Variants in CLEC16A observed in about 807,000 individuals in gnomAD.
CLEC16A encodes protein CLEC16A.
In CLEC16A, 51 loss-of-function variants were observed where a neutral mutation model predicts 109.5. That is an observed-to-expected ratio of 0.47 (90% CI 0.37 to 0.59). The LOEUF is 0.59. Ranked by LOEUF, CLEC16A falls within the 20% of genes least tolerant of loss-of-function variation. The probability of loss-of-function intolerance (pLI) is 0.00; values close to 1 mark genes in which losing one functional copy is unlikely to be tolerated. For synonymous variants in CLEC16A, 673 were observed against 564.2 expected, an observed-to-expected ratio of 1.19 and a Z score of -2.73; for missense variants, 1,339 against 1,394.0, an observed-to-expected ratio of 0.96 and a Z score of 0.63.
At chr16:11,079,801 C>G (rs1162757935) in intron 19 of CLEC16A, among the ~76,000 whole-genome samples, 5 of 152,218 alleles carry the variant, frequency 3.3e-5, no homozygotes, top group Admixed American at 3.3e-4. Context: ...TTCTTCAGAG[C>G]AGCAAAACTG....
chr16:11,004,081 G>T (rs2044840138), intron 11 of CLEC16A, among the ~76,000 whole-genome samples: 1 of 152,048 alleles, frequency 6.6e-6, no homozygotes, highest in Non-Finnish European at 1.5e-5. Flanking sequence ...TTAGAATGAG[G>T]TGCACTCGTG....
chr16:11,171,107 G>A (rs2068492084), intron 23 of CLEC16A, among the ~76,000 whole-genome samples: 1 of 152,234 alleles, frequency 6.6e-6, no homozygotes, highest in South Asian at 2.1e-4. Flanking sequence ...GACGGGCCGT[G>A]GGCAGGGGGG....
chr16:11,138,857 CA>C (rs2153062672), intron 22 of CLEC16A, among the ~76,000 whole-genome samples: 1 of 152,106 alleles, frequency 6.6e-6, no homozygotes, highest in South Asian at 2.1e-4. Context: ...AGGTGGTGGC[CA>C]ATTTTTTGTC....
intron 22 of CLEC16A, among the ~76,000 whole-genome samples, chr16:11,130,714 TC>T (rs1430749035): frequency 6.6e-6 from 1 of 152,108 alleles, no homozygotes; most frequent in Non-Finnish European, 1.5e-5. Flanking sequence ...ATGGTGCCCC[TC>T]CCCATAGGCC....
Position 11,120,702 on chromosome 16 carries a change from G to A in CLEC16A, c.2204G>A (p.Ser735Asn), listed in dbSNP as rs755925089. The A allele has an allele frequency of 6.2e-7, 1 of 1,609,550 alleles. No individual in the cohort carries two copies. Among genetic ancestry groups the A allele is most frequent in the Non-Finnish European group, 8.5e-7 (1 of 1,177,928 alleles). The change falls in exon 20 of 24, where the codon AGT becomes AAT. Residue 735 changes from serine (S) to asparagine (N), a missense_variant. Physicochemically the swap from Ser to Asn is conservative, Grantham distance 46. Transcript: ENST00000409790. ...RFLAVDIYQM[S>N]LVEPDVSRLG... Reference sequence around the variant, plus strand: ...CTGGCTGTGGATATTTACCAGATGAGTTTGGTGGAGCCTGATGTGTCCAGG... The same window carrying A: ...CTGGCTGTGGATATTTACCAGATGAATTTGGTGGAGCCTGATGTGTCCAGG...
intron 11 of CLEC16A, among the ~76,000 whole-genome samples, chr16:11,004,100 G>A (rs149114941): frequency 1.1e-3 from 172 of 152,176 alleles, no homozygotes; most frequent in African/African-American, 3.9e-3. Flanking sequence ...TGTGTAGTAC[G>A]TATGTGCTCT....
intron 19 of CLEC16A, among the ~76,000 whole-genome samples, chr16:11,102,134 C>T (rs1441009356): frequency 6.6e-6 from 1 of 152,064 alleles, no homozygotes; most frequent in Non-Finnish European, 1.5e-5. Context: ...GAATTAAAAA[C>T]TCAGAGGGAA....
intron 9 of CLEC16A, among the ~76,000 whole-genome samples, chr16:10,980,046 T>C (rs2043232788): frequency 6.6e-6 from 1 of 152,346 alleles, no homozygotes; most frequent in South Asian, 2.1e-4. Context: ...TCTCAGGGCA[T>C]CTCATTAGAC....
intron 22 of CLEC16A, among the ~76,000 whole-genome samples, chr16:11,136,553 G>A (rs533290483): frequency 6.6e-6 from 1 of 152,174 alleles, no homozygotes; most frequent in South Asian, 2.1e-4. Context: ...TAATCAATTA[G>A]CACGAACAAA....
At position 11,012,512 on chromosome 16, in the gene CLEC16A, G is replaced by A. The variant is rs147227557; in HGVS notation, c.1304-7681G>A. On this transcript the variant is annotated intron_variant, in intron 11 of 23. Transcript: ENST00000409790. The stretch of plus-strand genomic sequence containing the variant: ...CGGGAGGCTGAGGCAGGAGAATGGC[G>A]TGAACCCGGGAGGCGGAGCTTGTGG... 8.5e-3 allele frequency among the ~76,000 whole-genome samples: 1,256 copies of A among 147,892 alleles called. 23 individuals are homozygous for A. Among genetic ancestry groups the A allele is most frequent in the African/African-American group, 0.03 (1,202 of 40,260 alleles).
At chr16:11,117,284 T>C (rs1393471271) in intron 19 of CLEC16A, among the ~76,000 whole-genome samples, 6 of 152,228 alleles carry the variant, frequency 3.9e-5, no homozygotes, top group Non-Finnish European at 8.8e-5. Context: ...ACTGTATACT[T>C]AAAATAGGTG....
chr16:10,972,835 T>C, intron 6 of CLEC16A, 103 bp from the exon 7 acceptor site: 1 of 1,265,152 alleles, frequency 7.9e-7, no homozygotes, highest in Non-Finnish European at 1.1e-6. Flanking sequence ...GAGGGCTTTT[T>C]CATTGTGGTT....
intron 18 of CLEC16A, among the ~76,000 whole-genome samples, chr16:11,059,007 A>G (rs1023741394): frequency 6.6e-6 from 1 of 152,194 alleles, no homozygotes; most frequent in Non-Finnish European, 1.5e-5. Context: ...TTGGACTGCC[A>G]TGGATGTTTA....
chr16:11,151,812 C>G (rs1425490797), intron 22 of CLEC16A, among the ~76,000 whole-genome samples: 2 of 152,188 alleles, frequency 1.3e-5, no homozygotes, highest in African/African-American at 2.4e-5. Context: ...AGTACTCAGC[C>G]ACTTTCGGGG....
At chr16:11,139,707 C>T (rs905937190) in intron 22 of CLEC16A, among the ~76,000 whole-genome samples, 2 of 152,226 alleles carry the variant, frequency 1.3e-5, no homozygotes, top group Middle Eastern at 3.4e-3. Flanking sequence ...AAATTCACAG[C>T]GTGATTTGGG....
intron 1 of CLEC16A, among the ~76,000 whole-genome samples, chr16:10,949,644 T>C (rs948196044): frequency 5.9e-5 from 9 of 152,112 alleles, no homozygotes; most frequent in Non-Finnish European, 8.8e-5. Flanking sequence ...TGTAAATCAC[T>C]TTAAGGAATT....
chr16:11,051,705 G>A, intron 18 of CLEC16A, 64 bp downstream of exon 18: 1 of 1,585,662 alleles, frequency 6.3e-7, no homozygotes, highest in East Asian at 2.3e-5. Flanking sequence ...CCCAGACCAG[G>A]GAGGAAAGGG....
chr16:11,010,628 G>A (rs1466466003), intron 11 of CLEC16A, among the ~76,000 whole-genome samples: 1 of 152,166 alleles, frequency 6.6e-6, no homozygotes, highest in Non-Finnish European at 1.5e-5. Flanking sequence ...CATTTGCTAA[G>A]ATTAAGGTGT....
chr16:11,144,398 T>C (rs2053968047), intron 22 of CLEC16A, among the ~76,000 whole-genome samples: 1 of 152,128 alleles, frequency 6.6e-6, no homozygotes, highest in Non-Finnish European at 1.5e-5. Flanking sequence ...TTCTCCGTCC[T>C]GTACCTCCAC....
Sources: allele counts gnomAD v4.1 joint callset (sites outside exome capture counted in the v4.1 genomes callset), GRCh38; gene constraint gnomAD v4.1.1; transcripts MANE v1.5; gene names NCBI Gene and HGNC (gene_info 2026-07-23, HGNC 2026-07-21).